The following MAPK10 variants were observed in gnomAD, a reference collection of about 807,000 sequenced individuals.
The protein encoded by MAPK10 is mitogen-activated protein kinase 10.
Under a neutral mutation model 59.3 loss-of-function variants are expected in MAPK10, and 25 were observed. That is an observed-to-expected ratio of 0.42 (90% CI 0.31 to 0.59). The LOEUF is 0.59. MAPK10 is among the 20% of genes least tolerant of loss of function. MAPK10 has a pLI of 0.15. For synonymous variants in MAPK10, 190 were observed against 200.5 expected (o/e 0.95, Z 0.44); for missense variants, 351 against 568.9 (o/e 0.62, Z 3.90).
At chr4:86,080,512 A>G (rs2050423895) in intron 9 of MAPK10, 2 of 152,004 alleles carry the variant, frequency 1.3e-5, no homozygotes, top group Admixed American at 1.3e-4. Flanking sequence ...AACCTCAATT[A>G]AAAATAAGAG....
chr4:86,135,906 G>A (rs1027718033), intron 4 of MAPK10, among the ~76,000 whole-genome samples: 1 of 152,138 alleles, frequency 6.6e-6, no homozygotes, highest in Non-Finnish European at 1.5e-5. Flanking sequence ...CTCAGGAGCC[G>A]ATACGATCAA....
At chr4:86,430,572 C>T (rs550833459) in intron 1 of MAPK10, among the ~76,000 whole-genome samples, 30 of 152,216 alleles carry the variant, frequency 2.0e-4, no homozygotes, top group African/African-American at 7.2e-4. Flanking sequence ...GGGTCAAGAG[C>T]TATGAAGGCT....
At chr4:86,185,873 G>GT (rs1352996407) in intron 3 of MAPK10, among the ~76,000 whole-genome samples, 1 of 152,066 alleles carries the variant, frequency 6.6e-6, no homozygotes, top group Non-Finnish European at 1.5e-5. Flanking sequence ...GATAGATGAG[G>GT]TGTTGCTTTG....
At chr4:86,046,631 T>C (rs1054305073) in intron 11 of MAPK10, among the ~76,000 whole-genome samples, 1 of 151,998 alleles carries the variant, frequency 6.6e-6, no homozygotes, top group Non-Finnish European at 1.5e-5. Context: ...CTCGGAAAAA[T>C]TGGTCAGGTA....
chr4:86,083,368 C>T (rs11097091), intron 9 of MAPK10, among the ~76,000 whole-genome samples: 73,273 of 151,988 alleles, frequency 0.48, 19,087 homozygotes, highest in African/African-American at 0.69. Flanking sequence ...GCAACAATTC[C>T]GTGTGCTGGG....
intron 4 of MAPK10, among the ~76,000 whole-genome samples, chr4:86,157,993 C>A (rs1344708566): frequency 6.6e-6 from 1 of 151,864 alleles, no homozygotes; most frequent in East Asian, 1.9e-4. Context: ...TAATATTCTA[C>A]AATTTTCCAT....
Position 86,107,278 on chromosome 4 carries a change from T to C in MAPK10, c.311A>G (p.His104Arg), listed in dbSNP as rs780312580. 1 of 1,613,422 alleles carries C rather than the reference T, an allele frequency of 6.2e-7. No homozygotes were observed. The highest frequency in any genetic ancestry group is 8.5e-7 in the Non-Finnish European group (1 of 1,179,540). Reference protein sequence around the residue: ...KLSRPFQNQTHAKRAYRELVL... With the variant: ...KLSRPFQNQTRAKRAYRELVL... ...CAGCTCCCGGTACGCTCTCTTGGCA[T>C]GTGTTTGGTTCTGAAAGGGTCTGCT... The change falls in exon 5 of 14, where the codon CAT becomes CGT. Residue 104 changes from histidine (H) to arginine (R), a missense_variant. Physicochemically the swap from His to Arg is conservative, Grantham distance 29. Around this residue, in one of 5 missense-constraint regions of MAPK10, gnomAD observed 51 missense variants for 72.7 expected, o/e 0.70. Transcript: ENST00000641462.
intron 3 of MAPK10, 88 bp from the exon 4 acceptor site, chr4:86,159,555 T>G: frequency 9.5e-7 from 1 of 1,049,166 alleles, no homozygotes. Flanking sequence ...TTTTAATGAT[T>G]ACTGACACTT....
At chr4:86,538,151 C>CT (rs398063764) in intron 1 of MAPK10, among the ~76,000 whole-genome samples, 33,594 of 146,422 alleles carry the variant, frequency 0.23, 4,327 homozygotes, top group Admixed American at 0.3. Flanking sequence ...TATAATAAAT[C>CT]TTTTTTTTTT....
chr4:86,590,345 C>T (rs1762947469), intron 1 of MAPK10, among the ~76,000 whole-genome samples: 1 of 152,132 alleles, frequency 6.6e-6, no homozygotes, highest in East Asian at 1.9e-4. Flanking sequence ...CTAATTTATA[C>T]TTTATTTTAA....
At chr4:86,549,300 T>G (rs1360848776) in intron 1 of MAPK10, among the ~76,000 whole-genome samples, 2 of 152,198 alleles carry the variant, frequency 1.3e-5, no homozygotes, top group Non-Finnish European at 2.9e-5. Flanking sequence ...CTGAACATCA[T>G]AGAGAGTACT....
At chr4:86,481,377 T>C (rs1753600907) in intron 1 of MAPK10, among the ~76,000 whole-genome samples, 3 of 152,040 alleles carry the variant, frequency 2.0e-5, no homozygotes, top group Non-Finnish European at 4.4e-5. Flanking sequence ...GGTATTGTTT[T>C]TTGAACCCCA....
chr4:86,507,632 A>ATG (rs1579429333), intron 1 of MAPK10, among the ~76,000 whole-genome samples: 1 of 61,580 alleles, frequency 1.6e-5, no homozygotes, highest in Non-Finnish European at 3.2e-5. Context: ...ATATATATAT[A>ATG]TATATATATA....
chr4:86,037,715 T>A (rs1386955483), intron 11 of MAPK10, among the ~76,000 whole-genome samples: 1 of 152,228 alleles, frequency 6.6e-6, no homozygotes, highest in African/African-American at 2.4e-5. Context: ...GATTATCTAA[T>A]GCCACCCTTA....
At chr4:86,251,480 C>G (rs1420248808) in intron 2 of MAPK10, among the ~76,000 whole-genome samples, 1 of 141,510 alleles carries the variant, frequency 7.1e-6, no homozygotes, top group Non-Finnish European at 1.5e-5. Flanking sequence ...CCAATTTCAT[C>G]CATGTCCCTA....
At chr4:86,115,279 GC>G (rs1174159484) in intron 4 of MAPK10, among the ~76,000 whole-genome samples, 5 of 152,298 alleles carry the variant, frequency 3.3e-5, no homozygotes, top group African/African-American at 1.2e-4. Context: ...ACCTCTCTTG[GC>G]TGGGTGTGGG....
chr4:86,027,377 C>G (rs1750879133), intron 13 of MAPK10: 1 of 152,188 alleles, frequency 6.6e-6, no homozygotes. Context: ...ATCATTAACA[C>G]ACTAAGCAGG....
chr4:86,180,185 T>C (rs928179587), intron 3 of MAPK10, among the ~76,000 whole-genome samples: 7 of 151,928 alleles, frequency 4.6e-5, no homozygotes, highest in Non-Finnish European at 8.8e-5. Flanking sequence ...TGAACAGACA[T>C]GTCTCAAAAG....
chr4:86,419,989 G>A (rs1190944046), intron 1 of MAPK10, among the ~76,000 whole-genome samples: 4 of 152,032 alleles, frequency 2.6e-5, no homozygotes, highest in South Asian at 2.1e-4. Flanking sequence ...TTGTTCAATC[G>A]CTAAAATCCT....
Sources: gnomAD v4.1 joint callset for allele counts (sites outside exome capture counted in the v4.1 genomes callset) on GRCh38, gnomAD v4.1.1 for gene constraint, gnomAD v4.1.1 regional missense constraint, MANE v1.5 for transcripts, NCBI Gene and HGNC (gene_info 2026-07-23, HGNC 2026-07-21) for gene names.